Variants in POGZ observed in about 807,000 individuals in gnomAD.
POGZ encodes the protein pogo transposable element with ZNF domain.
In POGZ, 17 loss-of-function variants were observed where a neutral mutation model predicts 134.6. The ratio of observed to expected loss-of-function variants is 0.13; its 90% confidence interval spans 0.09 to 0.19. The LOEUF is 0.19. Among genes scored for constraint, POGZ ranks in the 10% least tolerant of loss-of-function variants. The pLI is 1.00. For synonymous variants in POGZ, 693 were observed against 657.1 expected (o/e 1.05, Z -0.84); for missense variants, 1,306 against 1,769.7 (o/e 0.74, Z 4.70).
chr1:151,433,769 G>C (rs1659128275), intron 3 of POGZ, among the ~76,000 whole-genome samples: 1 of 152,116 alleles, frequency 6.6e-6, no homozygotes, highest in African/African-American at 2.4e-5. Flanking sequence ...GCATTTTAAT[G>C]ATTTCTGCAA....
At position 151,402,828 on chromosome 1, in the gene POGZ, ACAACTTCCTGGCCAAAACC is replaced by A. The variant is rs1346344776; in HGVS notation, c.*1955_*1973del. 6.6e-6 allele frequency: 1 copy of A among 152,564 alleles called. No homozygotes were observed. Among genetic ancestry groups the A allele is most frequent in the Admixed American group, 6.5e-5 (1 of 15,284 alleles). The allele number at this position is 152,564 out of a possible 1,614,324, so 9.5% of individuals were successfully genotyped here. On this transcript the variant is annotated 3_prime_UTR_variant, in exon 19 of 19. Transcript: ENST00000271715. ...AGCCATGCAGGCAGAGTCCACAAAGACAACTTCCTGGCCAAAACCCAGCTGATCCACTGTTGGTATAATC... is the reference window on the plus strand; with the variant it reads ...AGCCATGCAGGCAGAGTCCACAAAGACAGCTGATCCACTGTTGGTATAATC...
At chr1:151,452,350 A>G (rs964555186) in intron 1 of POGZ, among the ~76,000 whole-genome samples, 2 of 151,662 alleles carry the variant, frequency 1.3e-5, no homozygotes, top group African/African-American at 4.8e-5. Flanking sequence ...AAATACATAG[A>G]TATTTGGCTT....
intron 1 of POGZ, among the ~76,000 whole-genome samples, chr1:151,455,683 G>T (rs890557988): frequency 6.6e-6 from 1 of 152,088 alleles, no homozygotes; most frequent in African/African-American, 2.4e-5. Context: ...GAAAAGTAAC[G>T]TTGTTTTGCA....
At chr1:151,452,108 A>C (rs1662175166) in intron 1 of POGZ, among the ~76,000 whole-genome samples, 1 of 126,386 alleles carries the variant, frequency 7.9e-6, no homozygotes, top group Admixed American at 8.0e-5. Flanking sequence ...AAAAAAAAAA[A>C]AAAAAAAAAA....
chr1:151,410,039 T>C (rs914555155), intron 12 of POGZ, among the ~76,000 whole-genome samples: 3 of 152,228 alleles, frequency 2.0e-5, no homozygotes, highest in African/African-American at 7.2e-5. Flanking sequence ...AGGGTACATA[T>C]GTTTGTGTGC....
intron 2 of POGZ, among the ~76,000 whole-genome samples, chr1:151,441,439 CTGAACTG>C (rs1660510112): frequency 6.6e-6 from 1 of 152,146 alleles, no homozygotes; most frequent in African/African-American, 2.4e-5. Flanking sequence ...CCAAAAGACC[CTGAACTG>C]TGCCCTATTT....
chr1:151,436,493 G>C (rs1326095431), intron 3 of POGZ, among the ~76,000 whole-genome samples: 4 of 151,768 alleles, frequency 2.6e-5, no homozygotes, highest in Non-Finnish European at 5.9e-5. Context: ...GCCCAGGCTG[G>C]AGTGCAGTGG....
chr1:151,435,657 T>A (rs1659457114), intron 3 of POGZ, among the ~76,000 whole-genome samples: 1 of 151,994 alleles, frequency 6.6e-6, no homozygotes, highest in African/African-American at 2.4e-5. Flanking sequence ...CACACTCGCC[T>A]AATTTTTTTG....
At chr1:151,450,217 A>C (rs570180816) in intron 1 of POGZ, among the ~76,000 whole-genome samples, 1 of 151,782 alleles carries the variant, frequency 6.6e-6, no homozygotes, top group African/African-American at 2.4e-5. Context: ...TTTTTAGTAG[A>C]GATGGGTTTT....
intron 7 of POGZ, among the ~76,000 whole-genome samples, chr1:151,425,974 T>C (rs1233890616): frequency 6.6e-6 from 1 of 152,206 alleles, no homozygotes; most frequent in African/African-American, 2.4e-5. Context: ...CCACCAACAG[T>C]GCGTAAGGGT....
intron 3 of POGZ, among the ~76,000 whole-genome samples, chr1:151,438,748 T>G (rs1557931725): frequency 6.6e-6 from 1 of 152,104 alleles, no homozygotes. Context: ...CATGGTGGCA[T>G]GTGCCTGTAG....
At chr1:151,459,115 G>A (rs1482986212) in intron 1 of POGZ, 37 bp downstream of exon 1, 3 of 151,162 alleles carry the variant, frequency 2.0e-5, no homozygotes, top group African/African-American at 4.8e-5. Flanking sequence ...CCCGGGAGCA[G>A]GGGGTGGGGA....
At chr1:151,420,988 C>CATATATATATAT (rs71090165) in intron 10 of POGZ, among the ~76,000 whole-genome samples, 78 of 144,928 alleles carry the variant, frequency 5.4e-4, no homozygotes, top group African/African-American at 1.8e-3. Flanking sequence ...CGTGTTTTTT[C>CATATATATATAT]ATATATATAT....
intron 1 of POGZ, among the ~76,000 whole-genome samples, chr1:151,444,659 T>A (rs1661016533): frequency 2.0e-5 from 3 of 152,248 alleles, no homozygotes. Flanking sequence ...TTCAATGTCA[T>A]GCCTGTGGTT....
chr1:151,403,520 T>C lies in POGZ; in HGVS notation c.*1282A>G, dbSNP rs1463159325. 8 of 985,606 alleles carry C rather than the reference T, an allele frequency of 8.1e-6. No individual in the cohort carries two copies. Among genetic ancestry groups the C allele is most frequent in the Middle Eastern group, 5.2e-4 (1 of 1,914 alleles). 61.1% of individuals were successfully genotyped at this position (985,606 alleles called of 1,614,324 possible). ...TTTTTTGCTCCTTTTCTCTGTACGG[T>C]ACAGTACGTTTTGGTTTACAACCAT... On this transcript the variant is annotated 3_prime_UTR_variant, in exon 19 of 19. Coordinates refer to ENST00000271715, the MANE Select transcript of POGZ (RefSeq NM_015100.4).
chr1:151,405,237 T>C lies in POGZ; in HGVS notation c.3798A>G (p.Val1266=), dbSNP rs1451646764. 2.5e-6 allele frequency: 4 copies of C among 1,614,076 alleles called. No individual in the cohort carries two copies. In the African/African-American group the frequency reaches 4.0e-5, roughly 16 times the overall value. The stretch of plus-strand genomic sequence containing the variant: ...AGTTCTTGACAGTTCTTTTGATGCA[T>C]ACATCTAATGGCTGAATTTTGGAGC... The part of the protein sequence containing the change: ...GCSSKIQPLD[V]CIKRTVKNFL... Residue 1266 remains valine, a synonymous_variant, in exon 19 of 19, where the codon GTA becomes GTG. Transcript: ENST00000271715. This position sits in a 1 kb window ranked among gnomAD's most constrained non-coding sequence, Gnocchi z 4.9.
rs1364618658 is a variant in POGZ at position 151,406,077 on chromosome 1, G to A, written c.2958C>T (p.Cys986=). 2 of 1,614,222 alleles carry A rather than the reference G, an allele frequency of 1.2e-6. No individual in the cohort carries two copies. The highest frequency in any genetic ancestry group is 1.7e-6 in the Non-Finnish European group (2 of 1,180,036). The change falls in exon 19 of 19, where the codon TGC becomes TGT. Residue 986 remains cysteine, a synonymous_variant. Transcript: ENST00000271715. ...KKLRVVLFAL[C]CNTEQAAEHF... ...GTTCAGCTGCCTGTTCTGTATTGCAGCATAGAGCAAACAGTACTACTCGAA... is the reference window on the plus strand; with the variant it reads ...GTTCAGCTGCCTGTTCTGTATTGCAACATAGAGCAAACAGTACTACTCGAA...
chr1:151,429,964 GAGAGCA>G (rs1420905107), intron 4 of POGZ, among the ~76,000 whole-genome samples: 2 of 150,436 alleles, frequency 1.3e-5, no homozygotes, highest in East Asian at 3.9e-4. Flanking sequence ...CCTGACTTAA[GAGAGCA>G]TCGGCTTAAA....
At chr1:151,431,995 G>A (rs1658769102) in intron 3 of POGZ, among the ~76,000 whole-genome samples, 1 of 151,854 alleles carries the variant, frequency 6.6e-6, no homozygotes, top group African/African-American at 2.4e-5. Context: ...ACAGCAAAAC[G>A]CTGTCTCCAC....
Sources: allele counts gnomAD v4.1 joint callset (sites outside exome capture counted in the v4.1 genomes callset), GRCh38; gene constraint gnomAD v4.1.1; non-coding constraint Gnocchi (gnomAD v3.1); transcripts MANE v1.5; gene names NCBI Gene and HGNC (gene_info 2026-07-23, HGNC 2026-07-21).